The following PTK6 variants were observed in gnomAD, a reference collection of about 807,000 sequenced individuals.
PTK6 encodes the protein protein tyrosine kinase 6, also known as protein-tyrosine kinase 6.
PTK6 carries 47 observed loss-of-function variants against 47.5 expected under a neutral mutation model. The observed-to-expected ratio is 0.99, with a 90% confidence interval of 0.78 to 1.26. PTK6 has a LOEUF of 1.26. PTK6 is among the 50% of genes most tolerant of loss of function. The probability of loss-of-function intolerance (pLI) is 0.00; values close to 1 mark genes in which losing one functional copy is unlikely to be tolerated. For missense variants in PTK6, 618 were observed against 625.3 expected, an observed-to-expected ratio of 0.99 and a Z score of 0.12; for synonymous variants, 287 against 276.5, an observed-to-expected ratio of 1.04 and a Z score of -0.38.
chr20:63,531,437 AATAT>A (rs748873194), intron 5 of PTK6, among the ~76,000 whole-genome samples: 1,143 of 94,694 alleles, frequency 0.012, 46 homozygotes, highest in African/African-American at 0.037. Context: ...AAAAAAAAAA[AATAT>A]ATATATATAT....
At chr20:63,531,749 G>A (rs922179944) in intron 5 of PTK6, among the ~76,000 whole-genome samples, 1 of 152,250 alleles carries the variant, frequency 6.6e-6, no homozygotes, top group Non-Finnish European at 1.5e-5. Flanking sequence ...CGTGATGTAG[G>A]CAGTGGGAAC....
intron 5 of PTK6, 134 bp from the exon 6 acceptor site, chr20:63,531,061 C>T (rs915999539): frequency 1.9e-5 from 16 of 832,216 alleles, no homozygotes; most frequent in African/African-American, 5.3e-5. Context: ...CAAAGGGCAG[C>T]TGGCCTGATT....
chr20:63,529,731 C>T lies in PTK6; in HGVS notation c.1169-8G>A, dbSNP rs754351651. The T allele has an allele frequency of 1.8e-5, 27 of 1,536,548 alleles. No individual in the cohort carries two copies. The highest frequency in any genetic ancestry group is 2.3e-5 in the Non-Finnish European group (26 of 1,143,118). Reference sequence around the variant, plus strand: ...CCTCATGGTTGGACATGCCTGCGGCCGACAGGGATGAGAAGAGCTGGGGCC... The same window carrying T: ...CCTCATGGTTGGACATGCCTGCGGCTGACAGGGATGAGAAGAGCTGGGGCC... On this transcript the variant is annotated splice_polypyrimidine_tract_variant and splice_region_variant and intron_variant, in intron 7 of 7. Coordinates refer to ENST00000542869, the MANE Select transcript of PTK6 (RefSeq NM_005975.4). This position sits in a 1 kb window ranked among gnomAD's most constrained non-coding sequence, Gnocchi z 5.6.
At chr20:63,531,376 A>C (rs372113177) in intron 5 of PTK6, among the ~76,000 whole-genome samples, 3 of 141,224 alleles carry the variant, frequency 2.1e-5, no homozygotes, top group South Asian at 2.4e-4. Context: ...AGCCGAGATC[A>C]CGCCACTGCA....
chr20:63,535,009 G>A lies in PTK6; in HGVS notation c.281C>T (p.Ala94Val), dbSNP rs927648031. 6.2e-7 allele frequency: 1 copy of A among 1,608,788 alleles called. No individual in the cohort carries two copies. The highest frequency in any genetic ancestry group is 1.3e-5 in the African/African-American group (1 of 74,994). ...GAAGGCGCCCGTGGCGTTGCCCTCG[G>A]CCTGCAGCCGACGCACAGCTTCCGA... ...SRSEAVRRLQ[A>V]EGNATGAFLI... The change falls in exon 2 of 8, where the codon GCC becomes GTC. Residue 94 changes from alanine (A) to valine (V), a missense_variant. By Grantham distance (64) the Ala-to-Val change is moderately conservative. Coordinates refer to ENST00000542869, the MANE Select transcript of PTK6 (RefSeq NM_005975.4).
intron 5 of PTK6, among the ~76,000 whole-genome samples, chr20:63,531,439 T>A (rs9679907): frequency 0.63 from 31,853 of 50,434 alleles, 9,980 homozygotes; most frequent in East Asian, 0.78. Context: ...AAAAAAAAAA[T>A]ATATATATAT....
rs1013038931 is a variant in PTK6 at position 63,536,994 on chromosome 20, T to C, written c.230+91A>G. On this transcript the variant is annotated intron_variant, in intron 1 of 7. Transcript: ENST00000542869. ...AGATGGAACCGGGGTCCCCACCTTCTTGGGCCTCCCTGAGCAGCCCAGAGC... is the reference window on the plus strand; with the variant it reads ...AGATGGAACCGGGGTCCCCACCTTCCTGGGCCTCCCTGAGCAGCCCAGAGC... 24 of 1,369,010 alleles carry C rather than the reference T, an allele frequency of 1.8e-5. No individual in the cohort carries two copies. The South Asian group carries it at 3.4e-4, about 19-fold the overall frequency. The allele number at this position is 1,369,010 out of a possible 1,614,324, so 84.8% of individuals were successfully genotyped here.
rs2082643333 is a variant in PTK6 at position 63,533,753 on chromosome 20, T to C, written c.517-49A>G. ...GGGCAGGGGCTCATCCTTCAGGAAG[T>C]GCCAGTCTGAAGCCAGCACAGGGAG... On this transcript the variant is annotated intron_variant, in intron 3 of 7. Coordinates refer to ENST00000542869, the MANE Select transcript of PTK6 (RefSeq NM_005975.4). This position sits in a 1 kb window ranked among gnomAD's most constrained non-coding sequence, Gnocchi z 4.0. The C allele has an allele frequency of 1.3e-6, 2 of 1,572,072 alleles. No homozygotes were observed. The highest frequency in any genetic ancestry group is 1.8e-5 in the Admixed American group (1 of 54,520).
rs749363732 is a variant in PTK6, at chr20:63,534,192, C to G, written c.476G>C (p.Ser159Thr). The change falls in exon 3 of 8, where the codon AGC (serine) becomes ACC (threonine). Residue 159 changes from serine (S) to threonine (T), a missense_variant. Ser to Thr is a moderately conservative substitution (Grantham distance 58). Coordinates refer to ENST00000542869, the MANE Select transcript of PTK6 (RefSeq NM_005975.4). ...GGCCAGCCGCAGGCCGTGGGACAGGCTCTGGGCCCTGTGGTAGTTCACAAG... is the reference window on the plus strand; with the variant it reads ...GGCCAGCCGCAGGCCGTGGGACAGGGTCTGGGCCCTGTGGTAGTTCACAAG... ...PELVNYHRAQ[S>T]LSHGLRLAAP... is the part of the protein sequence containing the mutation. 14 of 1,572,818 alleles carry G rather than the reference C, an allele frequency of 8.9e-6. No homozygotes were observed. The African/African-American group carries it at 1.6e-4, about 18-fold the overall frequency.
Position 63,532,598 on chromosome 20 carries a change from C to G in PTK6, c.760G>C (p.Val254Leu). ...ATGTACACGGGGTCCCCCACGGACA[C>G]CACGGCGTACAGCGCCAGGATGTGT... ...HKHILALYAV[V>L]SVGDPVYIIT... The change falls in exon 5 of 8, where the codon GTG becomes CTG. Residue 254 changes from valine (V) to leucine (L), a missense_variant. Coordinates refer to ENST00000542869, the MANE Select transcript of PTK6 (RefSeq NM_005975.4). 3 of 1,614,098 alleles carry G rather than the reference C, an allele frequency of 1.9e-6. No homozygotes were observed. In the East Asian group the frequency reaches 6.7e-5, roughly 36 times the overall value.
chr20:63,529,913 C>A lies in PTK6; in HGVS notation c.1168+165G>T. 1 of 1,103,974 alleles carries A rather than the reference C, an allele frequency of 9.1e-7. No homozygotes were observed. Among genetic ancestry groups the A allele is most frequent in the Non-Finnish European group, 1.3e-6 (1 of 791,060 alleles). The allele number at this position is 1,103,974 out of a possible 1,614,324, so 68.4% of individuals were successfully genotyped here. On this transcript the variant is annotated intron_variant, in intron 7 of 7. Coordinates refer to ENST00000542869, the MANE Select transcript of PTK6 (RefSeq NM_005975.4). This position sits in a 1 kb window ranked among gnomAD's most constrained non-coding sequence, Gnocchi z 5.6. Reference sequence around the variant, plus strand: ...CAGGGCTCCAACAGGCAGCTCCAGGCACCAGCCTGGGTGCTCAGAGAATGG... The same window carrying A: ...CAGGGCTCCAACAGGCAGCTCCAGGAACCAGCCTGGGTGCTCAGAGAATGG...
chr20:63,535,292 C>G (rs374426760), intron 1 of PTK6, among the ~76,000 whole-genome samples: 1 of 152,190 alleles, frequency 6.6e-6, no homozygotes, highest in Non-Finnish European at 1.5e-5. Flanking sequence ...CGCTACCACA[C>G]CCTGCCCTGA....
Sources: allele counts gnomAD v4.1 joint callset (sites outside exome capture counted in the v4.1 genomes callset), GRCh38; gene constraint gnomAD v4.1.1; non-coding constraint Gnocchi (gnomAD v3.1); transcripts MANE v1.5; gene names NCBI Gene and HGNC (gene_info 2026-07-23, HGNC 2026-07-21).